Variants in CSMD3 observed in about 807,000 individuals in gnomAD.
CSMD3 encodes the protein CUB and Sushi multiple domains 3.
In CSMD3, 177 loss-of-function variants were observed where a neutral mutation model predicts 435.2. The ratio of observed to expected loss-of-function variants is 0.41; its 90% CI spans 0.36 to 0.46. The LOEUF (loss-of-function observed/expected upper bound fraction) is 0.46. CSMD3 is among the 20% of genes least tolerant of loss of function. The pLI, the probability that CSMD3 is intolerant of heterozygous loss-of-function variation, is 0.34. For synonymous variants in CSMD3, 1,656 were observed against 1,520.5 expected (o/e 1.09, Z -2.07); for missense variants, 4,265 against 4,504.6 (o/e 0.95, Z 1.52).
intron 38 of CSMD3, among the ~76,000 whole-genome samples, chr8:112,358,276 T>C (rs1352169334): frequency 6.6e-6 from 1 of 152,204 alleles, no homozygotes; most frequent in Non-Finnish European, 1.5e-5. Flanking sequence ...AAACTGCTTT[T>C]GATTTTACTG....
At position 112,556,854 on chromosome 8, in the gene CSMD3, G is replaced by A. The variant is rs1239523953; in HGVS notation, c.4143C>T (p.Cys1381=). Residue 1381 remains cysteine (C), a synonymous_variant, in exon 25 of 71, where the codon TGC becomes TGT. Transcript: ENST00000297405. The part of the protein sequence containing the change: ...HFAGSTIIYG[C]NPGYTLHGSS... ...TTCCGTGGAGAGTGTAGCCTGGATT[G>A]CATCCATAAATGATGGTGCTACCAG... 1 of 1,611,670 alleles carries A rather than the reference G, an allele frequency of 6.2e-7. No homozygotes were observed. The highest frequency in any genetic ancestry group is 8.5e-7 in the Non-Finnish European group (1 of 1,178,302).
At position 112,690,067 on chromosome 8, in the gene CSMD3, T is replaced by C. The variant is rs200389804; in HGVS notation, c.1973-17A>G. 6.2e-6 allele frequency: 10 copies of C among 1,606,832 alleles called. No individual in the cohort carries two copies. The African/African-American group carries it at 1.1e-4, about 17-fold the overall frequency. On this transcript the variant is annotated splice_polypyrimidine_tract_variant and intron_variant, in intron 13 of 70. Transcript: ENST00000297405. ...TCTCAATTTCTGGAAAAATAGAAGATAAAAGTCACCTTCCAAGGGTTGCAG... is the reference window on the plus strand; with the variant it reads ...TCTCAATTTCTGGAAAAATAGAAGACAAAAGTCACCTTCCAAGGGTTGCAG...
chr8:113,174,640 T>C (rs766674074), intron 3 of CSMD3, among the ~76,000 whole-genome samples: 1 of 151,978 alleles, frequency 6.6e-6, no homozygotes, highest in African/African-American at 2.4e-5. Context: ...TTAAATAATA[T>C]TCAATTCAGA....
intron 3 of CSMD3, among the ~76,000 whole-genome samples, chr8:113,241,040 G>T (rs2093209443): frequency 6.6e-6 from 1 of 152,070 alleles, no homozygotes; most frequent in Non-Finnish European, 1.5e-5. Context: ...CAAGATATTA[G>T]CTGATATTGT....
chr8:112,615,884 G>A (rs1032635994), intron 22 of CSMD3, among the ~76,000 whole-genome samples: 14 of 152,186 alleles, frequency 9.2e-5, no homozygotes, highest in South Asian at 6.2e-4. Flanking sequence ...TGTTTTCACC[G>A]AAAGGCTCCA....
chr8:112,620,539 T>G (rs1833987561), intron 22 of CSMD3, among the ~76,000 whole-genome samples: 1 of 152,134 alleles, frequency 6.6e-6, no homozygotes, highest in South Asian at 2.1e-4. Flanking sequence ...AAAGCGATTT[T>G]CTGAAAGTGT....
rs531225684 is a variant in CSMD3, at chr8:112,910,266, A to T, written c.1633+11361T>A. ...CACTGAGCTAAATGAAACCCTCAGG[A>T]TAAGATCCTGTTTCTCAGTGGCTGC... is the stretch of plus-strand genomic sequence containing the variant. On this transcript the variant is annotated intron_variant, in intron 10 of 70. Coordinates refer to ENST00000297405, the MANE Select transcript of CSMD3 (RefSeq NM_198123.2). Among the ~76,000 whole-genome samples, 3 of 151,842 alleles carry T rather than the reference A, an allele frequency of 2.0e-5. No homozygotes were observed. In the South Asian group the frequency reaches 6.2e-4, roughly 32 times the overall value.
chr8:112,940,522 C>G (rs958815), intron 9 of CSMD3, among the ~76,000 whole-genome samples: 24 of 151,582 alleles, frequency 1.6e-4, no homozygotes, highest in Admixed American at 6.6e-5. Context: ...GGGCATTTAA[C>G]TTTTTAATTT....
chr8:113,205,241 C>T (rs2092758098), intron 3 of CSMD3, among the ~76,000 whole-genome samples: 1 of 152,136 alleles, frequency 6.6e-6, no homozygotes, highest in Non-Finnish European at 1.5e-5. Context: ...CCTGGGCCAT[C>T]CAAAGTGTTG....
At chr8:113,356,136 C>T (rs188556350) in intron 1 of CSMD3, among the ~76,000 whole-genome samples, 49 of 151,982 alleles carry the variant, frequency 3.2e-4, no homozygotes, top group African/African-American at 1.2e-3. Flanking sequence ...CATGCATATA[C>T]CACTTAAAAA....
chr8:112,573,935 G>A (rs6981829), intron 23 of CSMD3, among the ~76,000 whole-genome samples: 7,873 of 151,730 alleles, frequency 0.052, 253 homozygotes, highest in African/African-American at 0.096. Context: ...GCTTTTTCTG[G>A]GAGACAATTT....
At position 112,315,261 on chromosome 8, in the gene CSMD3, C is replaced by A. The variant is rs552718988; in HGVS notation, c.7361-644G>T. Among the ~76,000 whole-genome samples, 6 of 151,766 alleles carry A rather than the reference C, an allele frequency of 4.0e-5. No individual in the cohort carries two copies. The East Asian group carries it at 1.2e-3, about 29-fold the overall frequency. On this transcript the variant is annotated intron_variant, in intron 47 of 70. Coordinates refer to ENST00000297405, the MANE Select transcript of CSMD3 (RefSeq NM_198123.2). ...TTTAATATAATATATGTATATATAT[C>A]AACACACTATAAAAACACATAAAAT...
chr8:112,374,981 G>A lies in CSMD3; in HGVS notation c.6136+5371C>T, dbSNP rs185459801. On this transcript the variant is annotated intron_variant, in intron 38 of 70. Coordinates refer to ENST00000297405, the MANE Select transcript of CSMD3 (RefSeq NM_198123.2). ...GTGAATTCAAACTAACAGATTAAAC[G>A]CCATTCACTTTGAATAGCCTCTGGA... Among the ~76,000 whole-genome samples the A allele has an allele frequency of 2.2e-3, 338 of 152,242 alleles. 2 individuals carry two copies. The highest frequency in any genetic ancestry group is 3.6e-3 in the Non-Finnish European group (245 of 67,998).
In CSMD3 at chr8:113,002,551, T is replaced by C. The variant is rs954525055; in HGVS notation, c.1030+16516A>G. Among the ~76,000 whole-genome samples the C allele has an allele frequency of 6.6e-5, 10 of 152,114 alleles. 1 individual carries two copies. The highest frequency in any genetic ancestry group is 3.3e-4 in the Admixed American group (5 of 15,248). The stretch of plus-strand genomic sequence containing the variant: ...AATCACTTGGACTTAAATGTCTCTA[T>C]TTGCTCAAGTATCATGCTGAACATG... On this transcript the variant is annotated intron_variant, in intron 6 of 70. Transcript: ENST00000297405.
chr8:112,536,161 A>C (rs2131104340), intron 27 of CSMD3, among the ~76,000 whole-genome samples: 1 of 152,126 alleles, frequency 6.6e-6, no homozygotes, highest in African/African-American at 2.4e-5. Flanking sequence ...CAAAAGCCAA[A>C]ATTGACAAAT....
chr8:112,469,929 C>T (rs745614472), intron 32 of CSMD3, among the ~76,000 whole-genome samples: 1 of 151,986 alleles, frequency 6.6e-6, no homozygotes, highest in Non-Finnish European at 1.5e-5. Flanking sequence ...TGAAGTAATA[C>T]TGAAAAGTAA....
intron 35 of CSMD3, among the ~76,000 whole-genome samples, chr8:112,401,146 T>C (rs1831303473): frequency 6.6e-6 from 1 of 151,984 alleles, no homozygotes; most frequent in African/African-American, 2.4e-5. Context: ...GAGGCAGAGG[T>C]TGCAGGAGAT....
At chr8:112,823,305 T>A (rs2079580340) in intron 12 of CSMD3, among the ~76,000 whole-genome samples, 1 of 152,338 alleles carries the variant, frequency 6.6e-6, no homozygotes, top group Admixed American at 6.5e-5. Context: ...ATTGCCTTAA[T>A]TTCAGAACTT....
At chr8:112,789,583 CTGTG>C (rs1268139538) in intron 13 of CSMD3, among the ~76,000 whole-genome samples, 6 of 151,150 alleles carry the variant, frequency 4.0e-5, no homozygotes, top group Admixed American at 1.3e-4. Flanking sequence ...TGAAATGTAT[CTGTG>C]TAACATGCTT....
Sources: allele counts gnomAD v4.1 joint callset (sites outside exome capture counted in the v4.1 genomes callset), GRCh38; gene constraint gnomAD v4.1.1; transcripts MANE v1.5; gene names NCBI Gene and HGNC (gene_info 2026-07-23, HGNC 2026-07-21).